Variants in ITGA11 observed in about 807,000 individuals in gnomAD.
ITGA11 encodes integrin subunit alpha 11.
A neutral mutation model predicts 141.9 loss-of-function variants in ITGA11; 97 were observed. That is an observed-to-expected ratio of 0.68 (90% CI 0.58 to 0.81). The LOEUF (loss-of-function observed/expected upper bound fraction) is 0.81. Ranked by LOEUF, ITGA11 falls within the 30% of genes least tolerant of loss-of-function variation. The pLI is 0.00. For synonymous variants in ITGA11, 658 were observed against 624.6 expected (o/e 1.05, Z -0.80); for missense variants, 1,387 against 1,559.2 (o/e 0.89, Z 1.86).
Position 68,308,782 on chromosome 15 carries a change from A to AAAGAAAAGAG in ITGA11, c.3175-1087_3175-1086insCTCTTTTCTT, listed in dbSNP as rs1893284301. On this transcript the variant is annotated intron_variant, in intron 26 of 29. Transcript: ENST00000315757. The surrounding 1 kb of genome is among the most constrained non-coding windows in gnomAD (Gnocchi z 5.2). Reference sequence around the variant, plus strand: ...AAAAGAAAGAAAAGAAAAGAAAAGAAAAGGGATTAGAGGACACTGAAGATG... The same window carrying AAAGAAAAGAG: ...AAAAGAAAGAAAAGAAAAGAAAAGAAAAGAAAAGAGAAGGGATTAGAGGACACTGAAGATG... Among the ~76,000 whole-genome samples, 1 of 151,162 alleles carries AAAGAAAAGAG rather than the reference A, an allele frequency of 6.6e-6. No individual in the cohort carries two copies. Among genetic ancestry groups the AAAGAAAAGAG allele is most frequent in the Non-Finnish European group, 1.5e-5 (1 of 67,700 alleles).
intron 2 of ITGA11, among the ~76,000 whole-genome samples, chr15:68,393,590 G>C (rs188207449): frequency 6.6e-6 from 1 of 152,112 alleles, no homozygotes; most frequent in Non-Finnish European, 1.5e-5. Flanking sequence ...AGAAAAACTA[G>C]ATAAGAAATA....
In ITGA11 at chr15:68,310,930, G is replaced by A. The variant is rs931940197; in HGVS notation, c.3174+64C>T. On this transcript the variant is annotated intron_variant, in intron 26 of 29. Transcript: ENST00000315757. Reference sequence around the variant, plus strand: ...TATTGGGTCGGGAGGGAAATGGCCCGCAGAGCACCGGCGGCACGCCTCTAA... The same window carrying A: ...TATTGGGTCGGGAGGGAAATGGCCCACAGAGCACCGGCGGCACGCCTCTAA... The A allele has an allele frequency of 1.1e-5, 14 of 1,281,958 alleles. 1 individual carries two copies. Among genetic ancestry groups the A allele is most frequent in the South Asian group, 7.7e-5 (6 of 78,212 alleles). The allele number at this position is 1,281,958 out of a possible 1,614,324, so 79.4% of individuals were successfully genotyped here. A position where few individuals can be genotyped will look rare whatever the true frequency, so the allele number is the denominator to read the frequency against.
chr15:68,425,702 C>T (rs1356513051), intron 1 of ITGA11, among the ~76,000 whole-genome samples: 1 of 152,376 alleles, frequency 6.6e-6, no homozygotes, highest in Non-Finnish European at 1.5e-5. Context: ...GCTACGCCCA[C>T]TTGCCCATTT....
intron 1 of ITGA11, among the ~76,000 whole-genome samples, chr15:68,411,751 C>T (rs1397908214): frequency 6.6e-6 from 1 of 152,170 alleles, no homozygotes; most frequent in African/African-American, 2.4e-5. Context: ...GAGTATATTT[C>T]CCCCAACCTT....
intron 1 of ITGA11, among the ~76,000 whole-genome samples, chr15:68,424,860 C>T (rs1400095363): frequency 6.6e-6 from 1 of 152,224 alleles, no homozygotes; most frequent in Non-Finnish European, 1.5e-5. Context: ...AGTCTTGAGG[C>T]AATAACTGGA....
chr15:68,370,286 C>T (rs1420437067), intron 2 of ITGA11, among the ~76,000 whole-genome samples: 2 of 152,226 alleles, frequency 1.3e-5, no homozygotes, highest in African/African-American at 2.4e-5. Flanking sequence ...GCAGCCACTC[C>T]TTCCTGGCCC....
At chr15:68,388,509 TG>T (rs920702928) in intron 2 of ITGA11, among the ~76,000 whole-genome samples, 8 of 152,336 alleles carry the variant, frequency 5.3e-5, no homozygotes, top group African/African-American at 1.7e-4. Context: ...TGACAGATGA[TG>T]GACAAACTAA....
rs1173449041 is a variant in ITGA11, at chr15:68,322,891, A to G, written c.2323-1388T>C. ...AAAAAAAGAAAGTAGGGGTTAAGTG[A>G]GAAGTTCAGTGTGCGGCATGTTGAG... On this transcript the variant is annotated intron_variant, in intron 18 of 29. Coordinates refer to ENST00000315757, the MANE Select transcript of ITGA11 (RefSeq NM_001004439.2). The surrounding 1 kb of genome is among the most constrained non-coding windows in gnomAD (Gnocchi z 5.6). 6.7e-6 allele frequency among the ~76,000 whole-genome samples: 1 copy of G among 148,880 alleles called. No homozygotes were observed. Among genetic ancestry groups the G allele is most frequent in the Non-Finnish European group, 1.5e-5 (1 of 67,470 alleles).
In ITGA11 at chr15:68,304,911, C is replaced by T. The variant is rs559197729; in HGVS notation, c.3382-1026G>A. On this transcript the variant is annotated intron_variant, in intron 28 of 29. Coordinates refer to ENST00000315757, the MANE Select transcript of ITGA11 (RefSeq NM_001004439.2). This position sits in a 1 kb window ranked among gnomAD's most constrained non-coding sequence, Gnocchi z 6.1. ...CCCACCTCCTGGGCCTGAGTGCCCT[C>T]ACATCTCCTCTGGAGACTACAGCGC... is the stretch of plus-strand genomic sequence containing the variant. 6.6e-6 allele frequency among the ~76,000 whole-genome samples: 1 copy of T among 152,356 alleles called. No homozygotes were observed. The highest frequency in any genetic ancestry group is 1.5e-5 in the Non-Finnish European group (1 of 68,028).
intron 7 of ITGA11, among the ~76,000 whole-genome samples, chr15:68,352,875 A>G (rs1894958893): frequency 6.6e-6 from 1 of 152,200 alleles, no homozygotes; most frequent in African/African-American, 2.4e-5. Flanking sequence ...CTGGCTCCCA[A>G]ATCACCACTG....
intron 23 of ITGA11, 97 bp downstream of exon 23, chr15:68,313,682 G>C: frequency 1.1e-6 from 1 of 886,584 alleles, no homozygotes; most frequent in Non-Finnish European, 1.8e-6. Flanking sequence ...CTGGGGTCTG[G>C]CCCTATTAGG....
At chr15:68,392,910 C>T (rs1896153466) in intron 2 of ITGA11, among the ~76,000 whole-genome samples, 3 of 151,888 alleles carry the variant, frequency 2.0e-5, no homozygotes, top group Non-Finnish European at 2.9e-5. Context: ...AGAAGCAGAC[C>T]AGAGATGATC....
At chr15:68,347,149 A>G (rs1446739123) in intron 10 of ITGA11, among the ~76,000 whole-genome samples, 2 of 152,134 alleles carry the variant, frequency 1.3e-5, no homozygotes, top group Non-Finnish European at 2.9e-5. Context: ...GAGTCTGGAG[A>G]CCAGGGCTGG....
chr15:68,311,115 C>G (rs1191993265), intron 25 of ITGA11, 35 bp from the exon 26 acceptor site: 1 of 1,517,876 alleles, frequency 6.6e-7, no homozygotes, highest in Admixed American at 1.8e-5. Flanking sequence ...CACACATACA[C>G]AGCCTCACAA....
rs1357056664 is a variant in ITGA11 at position 68,351,238 on chromosome 15, T to C, written c.894+20A>G. ...GCCTCTCAGAGGCCATCAGCAGCCC[T>C]TGGGCGGGCCAGGACTTACGGCCAC... On this transcript the variant is annotated intron_variant, in intron 8 of 29. Transcript: ENST00000315757. 1.2e-6 allele frequency: 2 copies of C among 1,613,160 alleles called. No homozygotes were observed. The highest frequency in any genetic ancestry group is 2.7e-5 in the African/African-American group (2 of 74,946).
chr15:68,391,326 T>C (rs1896117002), intron 2 of ITGA11, among the ~76,000 whole-genome samples: 1 of 152,218 alleles, frequency 6.6e-6, no homozygotes, highest in African/African-American at 2.4e-5. Flanking sequence ...TCTCCCACAA[T>C]GCTCCAGGCT....
At chr15:68,381,594 T>G (rs954916870) in intron 2 of ITGA11, among the ~76,000 whole-genome samples, 1 of 151,764 alleles carries the variant, frequency 6.6e-6, no homozygotes, top group Non-Finnish European at 1.5e-5. Context: ...CTTGCTCTGT[T>G]GCCCAGGCTG....
rs1384365052 is a variant in ITGA11, at chr15:68,331,981, G to A, written c.1648C>T (p.Arg550Ter). Residue 550 changes from arginine (R) to a stop codon, truncating the protein, a stop_gained, in exon 14 of 30, where the codon CGA (arginine) becomes TGA (stop). Coordinates refer to ENST00000315757, the MANE Select transcript of ITGA11 (RefSeq NM_001004439.2). LOFTEE classifies it high-confidence loss of function. ...TTGTAGGAATCCTGGTTGAGGTCTC[G>A]AACTGAGGCAATGGAGGACCCAAAT... ...ARFGSSIASVRDLNQDSYNDV... is the reference protein window; with the variant it reads ...ARFGSSIASV 2.5e-6 allele frequency: 4 copies of A among 1,612,904 alleles called. No homozygotes were observed. Among genetic ancestry groups the A allele is most frequent in the Non-Finnish European group, 2.5e-6 (3 of 1,179,464 alleles).
At position 68,325,168 on chromosome 15, in the gene ITGA11, A is replaced by T. The variant is rs1412127973; in HGVS notation, c.2285T>A (p.Met762Lys). The T allele has an allele frequency of 1.9e-6, 3 of 1,613,928 alleles. No individual in the cohort carries two copies. The highest frequency in any genetic ancestry group is 2.5e-6 in the Non-Finnish European group (3 of 1,179,888). ...AGTGGTGGGCCAGCCGTCGTCCAGC[A>T]TGGGGCCATGGTCAGGGTCCTCCAG... ...YSLEDPDHGP[M>K]LDDGWPTTLR... The change falls in exon 18 of 30, where the codon ATG (methionine) becomes AAG (lysine). Residue 762 changes from methionine (M) to lysine (K), a missense_variant. By Grantham distance (95) the Met-to-Lys change is moderately conservative. Coordinates refer to ENST00000315757, the MANE Select transcript of ITGA11 (RefSeq NM_001004439.2). The surrounding 1 kb of genome is among the most constrained non-coding windows in gnomAD (Gnocchi z 5.5).
Sources: gnomAD v4.1 joint callset for allele counts (sites outside exome capture counted in the v4.1 genomes callset) on GRCh38, gnomAD v4.1.1 for gene constraint, Gnocchi (gnomAD v3.1) non-coding constraint, MANE v1.5 for transcripts, NCBI Gene and HGNC (gene_info 2026-07-23, HGNC 2026-07-21) for gene names.